Variants in PIWIL1 observed in about 807,000 individuals in gnomAD.
PIWIL1 encodes the protein piwi like RNA-mediated gene silencing 1.
A neutral mutation model predicts 114.4 loss-of-function variants in PIWIL1; 73 were observed. The ratio of observed to expected loss-of-function variants is 0.64; its 90% CI spans 0.53 to 0.78. The LOEUF (loss-of-function observed/expected upper bound fraction) is 0.78. PIWIL1 is among the 30% of genes least tolerant of loss of function. PIWIL1 has a pLI of 0.00. For synonymous variants in PIWIL1, 375 were observed against 369.0 expected (o/e 1.02, Z -0.19); for missense variants, 723 against 1,063.1 (o/e 0.68, Z 4.45).
intron 18 of PIWIL1, among the ~76,000 whole-genome samples, chr12:130,364,623 T>C (rs958005687): frequency 1.3e-5 from 2 of 152,236 alleles, no homozygotes; most frequent in Admixed American, 1.3e-4. Flanking sequence ...TTAAGACTCT[T>C]AATGCTTATA....
At chr12:130,381,799 G>A in the PIWIL1 span, among the ~76,000 whole-genome samples, 60 of 152,248 alleles carry the variant, frequency 3.9e-4, 1 homozygote, top group African/African-American at 1.4e-3. Context: ...GTTAATTCAC[G>A]TCTTTCCCAG....
chr12:130,355,460 G>A, intron 11 of PIWIL1, 93 bp from the exon 12 acceptor site: 3 of 933,946 alleles, frequency 3.2e-6, no homozygotes, highest in Non-Finnish European at 5.3e-6. Flanking sequence ...GGCGACATTG[G>A]AGTGTGTTGT....
chr12:130,399,935 G>A, the PIWIL1 span: 8 of 1,141,180 alleles, frequency 7.0e-6, no homozygotes, highest in Admixed American at 2.5e-5. Flanking sequence ...GTTCAAAAGT[G>A]GCAGGACTTG....
At chr12:130,408,543 A>C in the PIWIL1 span, among the ~76,000 whole-genome samples, 1 of 152,204 alleles carries the variant, frequency 6.6e-6, no homozygotes, top group Non-Finnish European at 1.5e-5. Context: ...AAGCATAAGA[A>C]GGGGCTGCAG....
chr12:130,381,005 C>G, the PIWIL1 span, among the ~76,000 whole-genome samples: 1 of 152,042 alleles, frequency 6.6e-6, no homozygotes, highest in Admixed American at 6.5e-5. Flanking sequence ...GGTAGAATTC[C>G]TATGTGTTCC....
At chr12:130,403,514 G>T in the PIWIL1 span, among the ~76,000 whole-genome samples, 1 of 152,154 alleles carries the variant, frequency 6.6e-6, no homozygotes, top group Admixed American at 6.6e-5. Context: ...TTCCTCTGAA[G>T]ATATGTAGAT....
chr12:130,399,688 C>T, the PIWIL1 span: 1 of 1,611,210 alleles, frequency 6.2e-7, no homozygotes, highest in Non-Finnish European at 8.5e-7. Context: ...CCCTTTTTGC[C>T]TTTGAGCGCA....
At chr12:130,379,214 G>A in the PIWIL1 span, among the ~76,000 whole-genome samples, 6 of 152,120 alleles carry the variant, frequency 3.9e-5, no homozygotes, top group Admixed American at 2.6e-4. Context: ...ATTTGTACCT[G>A]GTACTGGTAT....
At chr12:130,413,929 G>A in the PIWIL1 span, among the ~76,000 whole-genome samples, 2 of 152,230 alleles carry the variant, frequency 1.3e-5, no homozygotes, top group African/African-American at 4.8e-5. Flanking sequence ...CACAAACCGG[G>A]CAGATGCTGG....
At chr12:130,422,775 G>A in the PIWIL1 span, among the ~76,000 whole-genome samples, 6 of 152,224 alleles carry the variant, frequency 3.9e-5, no homozygotes, top group Non-Finnish European at 8.8e-5. This position sits in a 1 kb window ranked among gnomAD's most constrained non-coding sequence, Gnocchi z 5.2. Context: ...GCATGGTGGG[G>A]TGAGGGCAAA....
At position 130,339,295 on chromosome 12, in the gene PIWIL1, C is replaced by G. The variant is rs1365709788; in HGVS notation, c.-13+1149C>G. Among the ~76,000 whole-genome samples the G allele has an allele frequency of 2.0e-5, 3 of 152,282 alleles. 1 individual carries two copies. The highest frequency in any genetic ancestry group is 3.9e-4 in the East Asian group (2 of 5,164). On this transcript the variant is annotated intron_variant, in intron 1 of 20. Transcript: ENST00000245255. ...TGGCGTCCTGGGATGGATGCTCTCG[C>G]CGTCTTCAGCCCCGGCGGCCTCCAG...
chr12:130,377,456 G>A (rs970682896), downstream of PIWIL1, among the ~76,000 whole-genome samples: 2 of 152,208 alleles, frequency 1.3e-5, no homozygotes, highest in Non-Finnish European at 2.9e-5. Context: ...AGACCTGGAC[G>A]TGGATATGTT....
rs371591122 is a variant in PIWIL1, at chr12:130,352,493, A to G, written c.1045-2044A>G. Among the ~76,000 whole-genome samples the G allele has an allele frequency of 3.1e-3, 476 of 152,256 alleles. 2 individuals carry two copies. The highest frequency in any genetic ancestry group is 0.01 in the African/African-American group (421 of 41,550). ...CAGGAGTTTGAGACCAGCCTGACCAACATGGTGAAACCTCGTCTCTACTAA... is the reference window on the plus strand; with the variant it reads ...CAGGAGTTTGAGACCAGCCTGACCAGCATGGTGAAACCTCGTCTCTACTAA... On this transcript the variant is annotated intron_variant, in intron 9 of 20. Coordinates refer to ENST00000245255, the MANE Select transcript of PIWIL1 (RefSeq NM_004764.5).
chr12:130,346,338 T>C (rs1192250037), intron 4 of PIWIL1, 32 bp from the exon 5 acceptor site: 1 of 1,508,606 alleles, frequency 6.6e-7, no homozygotes, highest in Non-Finnish European at 9.2e-7. Flanking sequence ...AAACTTGATA[T>C]TTTGTTAATT....
At chr12:130,393,698 A>T in the PIWIL1 span, among the ~76,000 whole-genome samples, 3 of 152,014 alleles carry the variant, frequency 2.0e-5, no homozygotes, top group African/African-American at 7.2e-5. Context: ...TAATAATGTG[A>T]TACATTTCTT....
At chr12:130,385,378 T>G in the PIWIL1 span, among the ~76,000 whole-genome samples, 1 of 152,130 alleles carries the variant, frequency 6.6e-6, no homozygotes, top group Admixed American at 6.6e-5. Context: ...CTTACGTGGG[T>G]TTTTTAGACT....
intron 4 of PIWIL1, 128 bp downstream of exon 4, chr12:130,346,006 C>A: frequency 1.2e-6 from 1 of 865,812 alleles, no homozygotes; most frequent in Non-Finnish European, 1.7e-6. Context: ...TCCTCACTTT[C>A]TTTTGGCGTT....
the PIWIL1 span, chr12:130,422,406 C>T: frequency 7.2e-7 from 1 of 1,379,574 alleles, no homozygotes. The surrounding 1 kb of genome is among the most constrained non-coding windows in gnomAD (Gnocchi z 5.2). Context: ...TAAGCAGCCA[C>T]ATGCTCCGCG....
chr12:130,383,841 A>C, the PIWIL1 span: 1 of 152,254 alleles, frequency 6.6e-6, no homozygotes, highest in African/African-American at 2.4e-5. Flanking sequence ...ATGCAAAATA[A>C]AACACAAATC....
Sources: gnomAD v4.1 joint callset for allele counts (sites outside exome capture counted in the v4.1 genomes callset) on GRCh38, gnomAD v4.1.1 for gene constraint, Gnocchi (gnomAD v3.1) non-coding constraint, MANE v1.5 for transcripts, NCBI Gene and HGNC (gene_info 2026-07-23, HGNC 2026-07-21) for gene names.